CSMD2: variants seen among roughly 807,000 people sequenced by gnomAD.
CSMD2 encodes CUB and Sushi multiple domains 2, also known as CUB and sushi domain-containing protein 2.
CSMD2 carries 130 observed loss-of-function variants against 398.5 expected under a neutral mutation model. The ratio of observed to expected loss-of-function variants is 0.33; its 90% CI spans 0.28 to 0.38. The LOEUF (loss-of-function observed/expected upper bound fraction) is 0.38, where lower values mean the gene tolerates loss of function less well. Ranked by LOEUF, CSMD2 falls within the 10% of genes least tolerant of loss-of-function variation. The pLI is 1.00. For missense variants in CSMD2, 3,829 were observed against 4,764.9 expected (o/e 0.80, Z 5.78); for synonymous variants, 1,828 against 1,908.5 (o/e 0.96, Z 1.10).
rs779214940 is a variant in CSMD2, at chr1:33,617,603, T to C, written c.5842A>G (p.Ser1948Gly). 1 of 1,613,836 alleles carries C rather than the reference T, an allele frequency of 6.2e-7. No individual in the cohort carries two copies. The highest frequency in any genetic ancestry group is 8.5e-7 in the Non-Finnish European group (1 of 1,179,784). Residue 1948 changes from serine to glycine, a missense_variant, in exon 38 of 71, where the codon AGT becomes GGT. Transcript: ENST00000373381. ...HLEYKTVGLS[S>G]CPEPAVPSNG... ...CTGGGCACAGCAGGTTCCGGACAACTGCTCAGGCCCACCGCTAGACAAGAC... is the reference window on the plus strand; with the variant it reads ...CTGGGCACAGCAGGTTCCGGACAACCGCTCAGGCCCACCGCTAGACAAGAC...
intron 19 of CSMD2, 105 bp from the exon 20 acceptor site, chr1:33,716,606 T>C (rs1646178028): frequency 5.2e-6 from 4 of 775,196 alleles, no homozygotes; most frequent in Middle Eastern, 3.7e-4. Context: ...AATGTCTATC[T>C]GTGTGTATGA....
At chr1:33,943,724 G>C (rs184074703) in intron 3 of CSMD2, among the ~76,000 whole-genome samples, 173 of 152,174 alleles carry the variant, frequency 1.1e-3, no homozygotes, top group African/African-American at 4.0e-3. Context: ...AGCTGAGCCT[G>C]CTTGTTGTAA....
chr1:34,087,962 G>C (rs979846019), intron 2 of CSMD2, among the ~76,000 whole-genome samples: 1 of 152,146 alleles, frequency 6.6e-6, no homozygotes, highest in Non-Finnish European at 1.5e-5. Context: ...GCTGCAGAAG[G>C]GGTGCAGGGG....
intron 1 of CSMD2, among the ~76,000 whole-genome samples, chr1:34,122,875 A>G (rs906374110): frequency 5.9e-5 from 9 of 152,144 alleles, no homozygotes; most frequent in Non-Finnish European, 1.2e-4. Flanking sequence ...TCCCATCTCA[A>G]TGGCAACTCG....
chr1:33,669,658 A>G (rs908648470), intron 25 of CSMD2, among the ~76,000 whole-genome samples: 1 of 152,232 alleles, frequency 6.6e-6, no homozygotes, highest in African/African-American at 2.4e-5. Context: ...CCAAAAGGAT[A>G]TGCTCAAGTC....
intron 9 of CSMD2, among the ~76,000 whole-genome samples, chr1:33,817,601 A>C (rs974997225): frequency 1.3e-5 from 2 of 152,238 alleles, no homozygotes; most frequent in Non-Finnish European, 2.9e-5. Context: ...GGTTTGCTCC[A>C]GGGCTTGAGG....
intron 1 of CSMD2, among the ~76,000 whole-genome samples, chr1:34,159,542 G>C (rs576431699): frequency 4.6e-5 from 7 of 152,336 alleles, no homozygotes; most frequent in African/African-American, 1.7e-4. Flanking sequence ...ACAAGGTTAT[G>C]AGTAAAAGAT....
At position 33,714,693 on chromosome 1, in the gene CSMD2, G is replaced by C. The variant is rs376850651; in HGVS notation, c.3300C>G (p.Thr1100=). The C allele has an allele frequency of 6.8e-6, 11 of 1,613,982 alleles. No homozygotes were observed. The highest frequency in any genetic ancestry group is 9.3e-6 in the Non-Finnish European group (11 of 1,180,050). Residue 1100 remains threonine, a synonymous_variant, in exon 21 of 71, where the codon ACC becomes ACG. Coordinates refer to ENST00000373381, the MANE Select transcript of CSMD2 (RefSeq NM_001281956.2). The stretch of plus-strand genomic sequence containing the variant: ...ACCCGGGGAAGCAGGAGAAGGTCAA[G>C]GTGTCGCCCACGCCAAACTGCAAGC... ...RKGLQFGVGD[T]LTFSCFPGYR... is the part of the protein sequence containing the mutation.
At chr1:33,985,844 C>T (rs989168626) in intron 3 of CSMD2, among the ~76,000 whole-genome samples, 12 of 152,084 alleles carry the variant, frequency 7.9e-5, no homozygotes, top group Non-Finnish European at 1.2e-4. Context: ...TCTCTTTGAT[C>T]GCCCCACCCT....
At chr1:34,093,100 C>G (rs1235858744) in intron 1 of CSMD2, among the ~76,000 whole-genome samples, 1 of 152,130 alleles carries the variant, frequency 6.6e-6, no homozygotes, top group South Asian at 2.1e-4. Context: ...GTCCCTGACC[C>G]CTGACCCCCG....
intron 42 of CSMD2, 111 bp from the exon 43 acceptor site, chr1:33,602,657 G>T: frequency 1.0e-6 from 1 of 995,758 alleles, no homozygotes; most frequent in Non-Finnish European, 1.4e-6. Context: ...CTGTCAGGGA[G>T]GTTGGGTGGG....
intron 1 of CSMD2, chr1:34,113,172 C>G (rs1661261671): frequency 6.6e-6 from 1 of 152,266 alleles, no homozygotes; most frequent in Admixed American, 6.5e-5. Flanking sequence ...GGTTGTGTCT[C>G]TGAGCTTCCT....
intron 29 of CSMD2, among the ~76,000 whole-genome samples, chr1:33,643,889 T>TGAAGGAAGGAAGGAAGGAAGGAAG (rs3078758): frequency 3.5e-5 from 5 of 142,912 alleles, no homozygotes; most frequent in African/African-American, 1.3e-4. Context: ...AGTCTGGGAA[T>TGAAGGAAGGAAGGAAGGAAGGAAG]GAAGGAAGGA....
At chr1:33,672,159 A>C (rs1644525169) in intron 25 of CSMD2, among the ~76,000 whole-genome samples, 1 of 152,210 alleles carries the variant, frequency 6.6e-6, no homozygotes, top group Admixed American at 6.5e-5. Flanking sequence ...TGTGAGCCGA[A>C]GCAGGGCGAG....
intron 48 of CSMD2, among the ~76,000 whole-genome samples, chr1:33,578,186 A>G (rs1021322421): frequency 1.3e-5 from 2 of 152,156 alleles, no homozygotes; most frequent in Admixed American, 6.5e-5. Flanking sequence ...CCCTCCACAT[A>G]TGGCTTCAAC....
chr1:33,901,604 C>G (rs1642763027), intron 5 of CSMD2, among the ~76,000 whole-genome samples: 1 of 152,198 alleles, frequency 6.6e-6, no homozygotes, highest in African/African-American at 2.4e-5. Context: ...GACCCTTGCA[C>G]AGGCTTATAC....
intron 1 of CSMD2, among the ~76,000 whole-genome samples, chr1:34,162,533 A>G (rs1484415220): frequency 6.6e-6 from 1 of 152,124 alleles, no homozygotes; most frequent in Non-Finnish European, 1.5e-5. Context: ...GCAAGGCCAA[A>G]CAGCCCATCT....
rs114487369 is a variant in CSMD2, at chr1:34,130,805, A to G, written c.187+34106T>C. On this transcript the variant is annotated intron_variant, in intron 1 of 70. Coordinates refer to ENST00000373381, the MANE Select transcript of CSMD2 (RefSeq NM_001281956.2). ...CTGATGACTCCTGACTATAGCATCCATTTTCCAACTCTTGGAGCCCGTTTT... is the reference window on the plus strand; with the variant it reads ...CTGATGACTCCTGACTATAGCATCCGTTTTCCAACTCTTGGAGCCCGTTTT... Among the ~76,000 whole-genome samples the G allele has an allele frequency of 9.8e-3, 1,487 of 151,886 alleles. 23 individuals carry two copies. The highest frequency in any genetic ancestry group is 0.034 in the African/African-American group (1,396 of 41,384).
chr1:33,689,108 G>GT (rs1347291673), intron 25 of CSMD2, among the ~76,000 whole-genome samples: 10 of 150,398 alleles, frequency 6.6e-5, no homozygotes, highest in Non-Finnish European at 1.5e-4. Flanking sequence ...GAGAGAGGGA[G>GT]TGGGAAAGAA....
Sources: gnomAD v4.1 joint callset for allele counts (sites outside exome capture counted in the v4.1 genomes callset) on GRCh38, gnomAD v4.1.1 for gene constraint, MANE v1.5 for transcripts, NCBI Gene and HGNC (gene_info 2026-07-23, HGNC 2026-07-21) for gene names.